Variants in CNGB3 observed in about 807,000 individuals in gnomAD.
CNGB3 encodes the protein cyclic nucleotide-gated channel beta-3.
Under a neutral mutation model 92.8 loss-of-function variants are expected in CNGB3, and 86 were observed. The ratio of observed to expected loss-of-function variants is 0.93; its 90% CI spans 0.78 to 1.11. The LOEUF (loss-of-function observed/expected upper bound fraction) is 1.11, where lower values mean the gene tolerates loss of function less well. Ranked by LOEUF, CNGB3 falls within the 50% of genes least tolerant of loss-of-function variation. The pLI is 0.00. For missense variants in CNGB3, 1,026 were observed against 956.8 expected, an observed-to-expected ratio of 1.07 and a Z score of -0.95; for synonymous variants, 333 against 332.7, an observed-to-expected ratio of 1.00 and a Z score of -0.01.
intron 6 of CNGB3, among the ~76,000 whole-genome samples, chr8:86,656,641 CT>C (rs1233408267): frequency 1.3e-5 from 2 of 152,092 alleles, no homozygotes; most frequent in Non-Finnish European, 2.9e-5. Context: ...CACCTAAATC[CT>C]TTTCCAATAG....
At chr8:86,682,751 G>A (rs1586013478) in intron 3 of CNGB3, among the ~76,000 whole-genome samples, 2 of 152,126 alleles carry the variant, frequency 1.3e-5, no homozygotes, top group South Asian at 4.1e-4. Context: ...ATGCAAAATC[G>A]CATGTGAGGC....
Position 86,579,164 on chromosome 8 carries a change from G to A in CNGB3, c.1870C>T (p.Leu624Phe), listed in dbSNP as rs374642816. The change falls in exon 16 of 18, where the codon CTC becomes TTC. Residue 624 changes from leucine to phenylalanine, a missense_variant. Coordinates refer to ENST00000320005, the MANE Select transcript of CNGB3 (RefSeq NM_019098.5). ...ANLLTLDKKT[L>F]QEILVHYPDS... ...GGATAATGCACTAGAATTTCTTGGA[G>A]GGTCTTTTTGTCTAGAGTTAAAAGA... 1.2e-6 allele frequency: 2 copies of A among 1,614,130 alleles called. No individual in the cohort carries two copies. Among genetic ancestry groups the A allele is most frequent in the Non-Finnish European group, 1.7e-6 (2 of 1,180,022 alleles).
At chr8:86,593,606 G>A (rs1822102167) in intron 15 of CNGB3, 3 of 433,346 alleles carry the variant, frequency 6.9e-6, no homozygotes. Flanking sequence ...AAATGGCCAT[G>A]AGAGGTGGTG....
At chr8:86,627,672 A>C (rs1396596275) in intron 12 of CNGB3, among the ~76,000 whole-genome samples, 2 of 152,206 alleles carry the variant, frequency 1.3e-5, no homozygotes, top group African/African-American at 4.8e-5. Flanking sequence ...TATATCCCTC[A>C]GTAACAATTA....
rs200226049 is a variant in CNGB3, at chr8:86,640,337, G to GA, written c.1178+3413dup. 7.5e-3 allele frequency among the ~76,000 whole-genome samples: 1,137 copies of GA among 152,160 alleles called. 5 individuals carry two copies. The highest frequency in any genetic ancestry group is 0.027 in the Middle Eastern group (8 of 294). ...CTAAACTCTTGCACTAGGCCAAACA[G>GA]ACCAAAGCAAAATGGAATTACTCAT... On this transcript the variant is annotated intron_variant, in intron 10 of 17. Transcript: ENST00000320005.
At chr8:86,652,704 GGAAGGT>G (rs1823430111) in intron 7 of CNGB3, among the ~76,000 whole-genome samples, 1 of 151,900 alleles carries the variant, frequency 6.6e-6, no homozygotes, top group Non-Finnish European at 1.5e-5. Context: ...TTGCCCCACT[GGAAGGT>G]CTTCAGGCTC....
At chr8:86,736,947 T>C (rs928086622) in intron 2 of CNGB3, among the ~76,000 whole-genome samples, 3 of 152,204 alleles carry the variant, frequency 2.0e-5, no homozygotes, top group African/African-American at 7.2e-5. Context: ...GCTTTAGTCA[T>C]GAGTTAGGAA....
intron 2 of CNGB3, among the ~76,000 whole-genome samples, chr8:86,727,681 G>C (rs1314844039): frequency 6.6e-6 from 1 of 152,130 alleles, no homozygotes; most frequent in South Asian, 2.1e-4. Context: ...AAATGTAGAA[G>C]CGGAAAAGAA....
At chr8:86,629,132 A>G in intron 11 of CNGB3, 54 bp from the exon 12 acceptor site, 1 of 1,585,372 alleles carries the variant, frequency 6.3e-7, no homozygotes, top group Non-Finnish European at 8.7e-7. Flanking sequence ...GAGTTAATAA[A>G]AGTCAAATTA....
chr8:86,685,132 G>C (rs1824161274), intron 3 of CNGB3, among the ~76,000 whole-genome samples: 1 of 151,928 alleles, frequency 6.6e-6, no homozygotes, highest in South Asian at 2.1e-4. Context: ...CTGGGTAAAG[G>C]GTATATGGGA....
At chr8:86,735,042 G>GTTTTTTTTTTTTTT (rs60107723) in intron 2 of CNGB3, among the ~76,000 whole-genome samples, 2 of 85,886 alleles carry the variant, frequency 2.3e-5, no homozygotes, top group Non-Finnish European at 2.1e-5. Context: ...AATGCCGGTG[G>GTTTTTTTTTTTTTT]TTTTTTTTTT....
In CNGB3 at chr8:86,659,351, A is replaced by C. The variant is rs1585998738; in HGVS notation, c.853-5289T>G. ...TGGCCTGCTGTAACTGCTGGTTAGC[A>C]TCAGGGGGTTCACACTGGCTTGAGG... On this transcript the variant is annotated intron_variant, in intron 6 of 17. Transcript: ENST00000320005. The C allele has an allele frequency of 4.6e-6, 5 of 1,093,920 alleles. No individual in the cohort carries two copies. In the East Asian group the frequency reaches 1.2e-4, roughly 26 times the overall value. 67.8% of individuals were successfully genotyped at this position (1,093,920 alleles called of 1,614,324 possible). A position where few individuals can be genotyped will look rare whatever the true frequency, so the allele number is the denominator to read the frequency against.
In CNGB3 at chr8:86,743,491, G is replaced by A; in HGVS notation, c.129+8C>T. 6.2e-7 allele frequency: 1 copy of A among 1,613,782 alleles called. No individual in the cohort carries two copies. The highest frequency in any genetic ancestry group is 8.5e-7 in the Non-Finnish European group (1 of 1,179,704). On this transcript the variant is annotated splice_region_variant and intron_variant, in intron 1 of 17. Coordinates refer to ENST00000320005, the MANE Select transcript of CNGB3 (RefSeq NM_019098.5). The stretch of plus-strand genomic sequence containing the variant: ...ATCAAGGCTTGCATAGGAATGTAGA[G>A]GACATACCTGTGCTGTGGTTTGCTG...
At chr8:86,576,414 T>C (rs1821663459) in intron 17 of CNGB3, among the ~76,000 whole-genome samples, 1 of 152,250 alleles carries the variant, frequency 6.6e-6, no homozygotes. Flanking sequence ...CTCTGAATTA[T>C]TAGACTCAGT....
intron 7 of CNGB3, among the ~76,000 whole-genome samples, chr8:86,653,096 C>G (rs1417478715): frequency 6.6e-6 from 1 of 151,994 alleles, no homozygotes; most frequent in Non-Finnish European, 1.5e-5. Flanking sequence ...CTTATGGGAC[C>G]ATCACCATAT....
rs112044054 is a variant in CNGB3, at chr8:86,610,217, C to A, written c.1662+1371G>T. Among the ~76,000 whole-genome samples the A allele has an allele frequency of 2.6e-3, 393 of 152,236 alleles. 9 individuals are homozygous for A. In the South Asian group the frequency reaches 0.029, roughly 11 times the overall value. On this transcript the variant is annotated intron_variant, in intron 14 of 17. Transcript: ENST00000320005. Reference sequence around the variant, plus strand: ...CTGATGTGCACTGTGAATTGAATACCACAGCACTAGAAAGGTAGGCCCCTA... The same window carrying A: ...CTGATGTGCACTGTGAATTGAATACAACAGCACTAGAAAGGTAGGCCCCTA...
At chr8:86,628,887 C>T (rs369943776) in intron 12 of CNGB3, 32 bp downstream of exon 12, 38 of 1,611,588 alleles carry the variant, frequency 2.4e-5, no homozygotes, top group Non-Finnish European at 3.1e-5. Flanking sequence ...ACAAGGTTTA[C>T]AGGAATTTAA....
intron 3 of CNGB3, among the ~76,000 whole-genome samples, chr8:86,710,408 G>C (rs766525776): frequency 2.6e-5 from 4 of 151,046 alleles, no homozygotes; most frequent in Non-Finnish European, 5.9e-5. Flanking sequence ...CTCTCACCTT[G>C]TTCTTGTCTC....
intron 17 of CNGB3, among the ~76,000 whole-genome samples, chr8:86,578,440 G>C (rs1471392409): frequency 6.6e-6 from 1 of 151,962 alleles, no homozygotes; most frequent in African/African-American, 2.4e-5. Flanking sequence ...GAATAATGAG[G>C]GTATACTCTG....
Sources: allele counts gnomAD v4.1 joint callset (sites outside exome capture counted in the v4.1 genomes callset), GRCh38; gene constraint gnomAD v4.1.1; transcripts MANE v1.5; gene names NCBI Gene and HGNC (gene_info 2026-07-23, HGNC 2026-07-21).